TET2: variants seen among roughly 807,000 people sequenced by gnomAD.
TET2 encodes the protein methylcytosine dioxygenase TET2.
A neutral mutation model predicts 142.9 loss-of-function variants in TET2; 299 were observed. The observed-to-expected ratio is 2.09, with a 90% CI of 1.90 to 2.30. The LOEUF (loss-of-function observed/expected upper bound fraction) is 2.30. TET2 is among the 30% of genes most tolerant of loss of function. The pLI is 0.00. For synonymous variants in TET2, 819 were observed against 849.0 expected, an observed-to-expected ratio of 0.96 and a Z score of 0.61; for missense variants, 2,418 against 2,378.0, an observed-to-expected ratio of 1.02 and a Z score of -0.35.
At chr4:105,185,636 A>G (rs1352179127) in intron 1 of TET2, among the ~76,000 whole-genome samples, 3 of 152,052 alleles carry the variant, frequency 2.0e-5, no homozygotes, top group African/African-American at 7.3e-5. Context: ...AAAATTAGCC[A>G]GGCGTGGGGG....
chr4:105,170,865 A>C (rs1275367846), intron 1 of TET2, among the ~76,000 whole-genome samples: 1 of 152,206 alleles, frequency 6.6e-6, no homozygotes, highest in Admixed American at 6.5e-5. Context: ...AAATAGACTT[A>C]GGGTGCTCAA....
chr4:105,225,092 T>G (rs1728102529), intron 2 of TET2, among the ~76,000 whole-genome samples: 1 of 152,156 alleles, frequency 6.6e-6, no homozygotes, highest in South Asian at 2.1e-4. Flanking sequence ...AACTTTAGCA[T>G]TATGTTTTGT....
Position 105,235,746 on chromosome 4 carries a change from TC to T in TET2, c.1806del (p.Lys603AsnfsTer36). ...ACCCAATCTCTCCAATCAAATGACCTCCAAACAATACACTGGAAATTCCAAC... is the reference window on the plus strand; with the variant it reads ...ACCCAATCTCTCCAATCAAATGACCTCAAACAATACACTGGAAATTCCAAC... ...YQPNLSNQMT[S>X]KQYTGNSNMP... On this transcript the variant is annotated frameshift_variant, in exon 3 of 11. Transcript: ENST00000380013. LOFTEE classifies it high-confidence loss of function. The T allele has an allele frequency of 6.2e-7, 1 of 1,613,982 alleles. No individual in the cohort carries two copies. The highest frequency in any genetic ancestry group is 8.5e-7 in the Non-Finnish European group (1 of 1,179,988).
intron 2 of TET2, among the ~76,000 whole-genome samples, chr4:105,197,160 T>C (rs1726143363): frequency 6.6e-6 from 1 of 152,194 alleles, no homozygotes; most frequent in South Asian, 2.1e-4. Context: ...AAATTAAATG[T>C]GTTGCAGTTG....
intron 1 of TET2, among the ~76,000 whole-genome samples, chr4:105,177,177 A>G (rs1400502497): frequency 6.6e-6 from 1 of 152,210 alleles, no homozygotes; most frequent in Non-Finnish European, 1.5e-5. Flanking sequence ...TAAAACTCCC[A>G]GAAGATAACA....
intron 4 of TET2, 32 bp downstream of exon 4, chr4:105,241,461 C>T (rs1729294366): frequency 1.6e-5 from 24 of 1,527,124 alleles, no homozygotes; most frequent in Middle Eastern, 1.7e-4. Context: ...GGCAGATTAA[C>T]GTTTATCCTT....
chr4:105,236,068 A>G lies in TET2; in HGVS notation c.2126A>G (p.Glu709Gly). Reference protein sequence around the residue: ...LKQHLNQQASETEPFSNSHLL... With the variant: ...LKQHLNQQASGTEPFSNSHLL... ...CAGCACTTGAATCAACAGGCTTCAG[A>G]GACTGAGCCATTTTCAAACTCACAC... Residue 709 changes from glutamate (E) to glycine (G), a missense_variant, in exon 3 of 11, where the codon GAG becomes GGG. Physicochemically the swap from Glu to Gly is moderately conservative, Grantham distance 98. Transcript: ENST00000380013. 1 of 1,614,186 alleles carries G rather than the reference A, an allele frequency of 6.2e-7. No individual in the cohort carries two copies. Among genetic ancestry groups the G allele is most frequent in the Non-Finnish European group, 8.5e-7 (1 of 1,180,024 alleles).
At position 105,234,603 on chromosome 4, in the gene TET2, A is replaced by G. The variant is rs1346502663; in HGVS notation, c.661A>G (p.Thr221Ala). 6.2e-7 allele frequency: 1 copy of G among 1,614,146 alleles called. No homozygotes were observed. Among genetic ancestry groups the G allele is most frequent in the South Asian group, 1.1e-5 (1 of 91,086 alleles). The part of the protein sequence containing the change: ...ATVSASSVEH[T>A]HGELLEKTLS... ...AGTTTCTGCCTCTTCCGTGGAACAC[A>G]CACATGGTGAACTCCTGGAAAAAAC... Residue 221 changes from threonine (T) to alanine (A), a missense_variant, in exon 3 of 11, where the codon ACA becomes GCA. Transcript: ENST00000380013.
intron 6 of TET2, among the ~76,000 whole-genome samples, chr4:105,245,217 C>A (rs1408817257): frequency 6.6e-6 from 1 of 152,074 alleles, no homozygotes; most frequent in Non-Finnish European, 1.5e-5. Flanking sequence ...TAATTATGAT[C>A]CAAAAATTTT....
chr4:105,258,016 C>T (rs1730226365), intron 6 of TET2, among the ~76,000 whole-genome samples: 1 of 152,146 alleles, frequency 6.6e-6, no homozygotes. Context: ...AATCTGGCCT[C>T]CTCTAGTGGC....
At chr4:105,222,294 A>T (rs1452060911) in intron 2 of TET2, among the ~76,000 whole-genome samples, 3 of 152,284 alleles carry the variant, frequency 2.0e-5, no homozygotes, top group East Asian at 3.9e-4. Context: ...CGCCACACTG[A>T]CTTCCACAAT....
Position 105,276,114 on chromosome 4 carries a change from T to TG in TET2, c.5607dup (p.Ser1870ValfsTer5). 6.4e-7 allele frequency: 1 copy of TG among 1,551,664 alleles called. No homozygotes were observed. The highest frequency in any genetic ancestry group is 8.7e-7 in the Non-Finnish European group (1 of 1,146,978). ...GGGGAGTGGCCGTGGCTCCAACTCA[T>TG]GGGTCAATTCTCATTGAGTGTGCAA... On this transcript the variant is annotated frameshift_variant, in exon 11 of 11. Transcript: ENST00000380013. LOFTEE classifies it high-confidence loss of function.
intron 8 of TET2, among the ~76,000 whole-genome samples, chr4:105,262,089 C>T (rs1267116049): frequency 1.3e-5 from 2 of 152,130 alleles, no homozygotes; most frequent in Non-Finnish European, 2.9e-5. Flanking sequence ...GTTCTATCTA[C>T]TAATCTTGTT....
chr4:105,222,982 C>A (rs1727938756), intron 2 of TET2, among the ~76,000 whole-genome samples: 1 of 152,160 alleles, frequency 6.6e-6, no homozygotes, highest in African/African-American at 2.4e-5. Flanking sequence ...AATCCTTTCC[C>A]CATTTCTTGT....
chr4:105,162,557 T>A (rs886502959), intron 1 of TET2, among the ~76,000 whole-genome samples: 15 of 152,202 alleles, frequency 9.9e-5, no homozygotes, highest in Admixed American at 9.2e-4. Flanking sequence ...AAGTAGGCAC[T>A]TTAGTATTCA....
At chr4:105,204,232 T>TACACACACACACACACAC (rs762266771) in intron 2 of TET2, among the ~76,000 whole-genome samples, 4 of 107,706 alleles carry the variant, frequency 3.7e-5, no homozygotes, top group Admixed American at 1.9e-4. Context: ...AAAAAAAATA[T>TACACACACACACACACAC]ATACACACAC....
intron 2 of TET2, among the ~76,000 whole-genome samples, chr4:105,218,366 T>C (rs1727616051): frequency 1.3e-5 from 2 of 152,082 alleles, no homozygotes; most frequent in Admixed American, 6.6e-5. Flanking sequence ...ATAGTTTGGC[T>C]CAGAAGTTGG....
chr4:105,183,332 T>C (rs1322659727), intron 1 of TET2, among the ~76,000 whole-genome samples: 1 of 152,192 alleles, frequency 6.6e-6, no homozygotes, highest in Non-Finnish European at 1.5e-5. Flanking sequence ...TATATTACAA[T>C]GTAAGGGATA....
At chr4:105,154,786 A>G (rs1160663664) in intron 1 of TET2, among the ~76,000 whole-genome samples, 1 of 152,160 alleles carries the variant, frequency 6.6e-6, no homozygotes, top group Non-Finnish European at 1.5e-5. Flanking sequence ...GCACTTTGCG[A>G]GGCGGAAGTG....
Sources: gnomAD v4.1 joint callset for allele counts (sites outside exome capture counted in the v4.1 genomes callset) on GRCh38, gnomAD v4.1.1 for gene constraint, MANE v1.5 for transcripts, NCBI Gene and HGNC (gene_info 2026-07-23, HGNC 2026-07-21) for gene names.